The following NRG1 variants were observed in gnomAD, a reference collection of about 807,000 sequenced individuals.
The protein encoded by NRG1 is pro-neuregulin-1, membrane-bound isoform.
Under a neutral mutation model 63.8 loss-of-function variants are expected in NRG1, and 18 were observed. That is an observed-to-expected ratio of 0.28 (90% CI 0.19 to 0.42). The LOEUF (loss-of-function observed/expected upper bound fraction) is 0.42. Ranked by LOEUF, NRG1 falls within the 10% of genes least tolerant of loss-of-function variation. The pLI is 1.00. For synonymous variants in NRG1, 302 were observed against 301.3 expected, an observed-to-expected ratio of 1.00 and a Z score of -0.02; for missense variants, 762 against 814.7, an observed-to-expected ratio of 0.94 and a Z score of 0.79.
chr8:32,522,800 C>A (rs529259575), intron 1 of NRG1, among the ~76,000 whole-genome samples: 6 of 148,864 alleles, frequency 4.0e-5, no homozygotes, highest in African/African-American at 1.5e-4. Context: ...AGTTGGCACC[C>A]AATTTGCCTT....
chr8:32,432,058 C>A (rs1381677911), intron 1 of NRG1, among the ~76,000 whole-genome samples: 1 of 152,094 alleles, frequency 6.6e-6, no homozygotes, highest in African/African-American at 2.4e-5. Context: ...CAGGTTAAAG[C>A]AGTGAATTCC....
At chr8:32,461,423 G>A (rs998671118) in intron 1 of NRG1, among the ~76,000 whole-genome samples, 1 of 152,132 alleles carries the variant, frequency 6.6e-6, no homozygotes, top group African/African-American at 2.4e-5. Flanking sequence ...AGATGGCTGG[G>A]CGCGGTGGCT....
intron 1 of NRG1, among the ~76,000 whole-genome samples, chr8:32,077,307 C>A (rs1350649662): frequency 6.6e-6 from 1 of 152,124 alleles, no homozygotes; most frequent in Non-Finnish European, 1.5e-5. Context: ...GCAGAGGTTG[C>A]AGTGAGCTGA....
intron 5 of NRG1, among the ~76,000 whole-genome samples, chr8:32,656,285 A>C (rs1801473984): frequency 6.6e-6 from 1 of 152,140 alleles, no homozygotes; most frequent in Non-Finnish European, 1.5e-5. Flanking sequence ...GGACAAAAAA[A>C]CTTCTAGCCC....
At chr8:32,359,384 T>C (rs62497647) in intron 1 of NRG1, among the ~76,000 whole-genome samples, 1 of 152,306 alleles carries the variant, frequency 6.6e-6, no homozygotes, top group Admixed American at 6.5e-5. Flanking sequence ...TTTTTAAGAA[T>C]TTTTATATCC....
intron 1 of NRG1, among the ~76,000 whole-genome samples, chr8:32,068,204 C>A (rs1443042940): frequency 6.6e-6 from 1 of 152,126 alleles, no homozygotes; most frequent in Non-Finnish European, 1.5e-5. Context: ...GTTTTATCTT[C>A]TGTAAAATAT....
At chr8:31,938,426 T>G (rs1268019397) in intron 1 of NRG1, among the ~76,000 whole-genome samples, 1 of 152,158 alleles carries the variant, frequency 6.6e-6, no homozygotes, top group African/African-American at 2.4e-5. Flanking sequence ...GAATCCCAGA[T>G]CTTCCCTCTG....
At position 32,742,570 on chromosome 8, in the gene NRG1, C is replaced by G. The variant is rs1281776610; in HGVS notation, c.633-105C>G. The G allele has an allele frequency of 1.1e-5, 12 of 1,054,488 alleles. No homozygotes were observed. The highest frequency in any genetic ancestry group is 1.7e-5 in the Non-Finnish European group (12 of 702,696). The allele number at this position is 1,054,488 out of a possible 1,614,324, so 65.3% of individuals were successfully genotyped here. A position where few individuals can be genotyped will look rare whatever the true frequency, so the allele number is the denominator to read the frequency against. On this transcript the variant is annotated intron_variant, in intron 6 of 11. Coordinates refer to ENST00000356819, the Ensembl canonical transcript of NRG1. This position sits in a 1 kb window ranked among gnomAD's most constrained non-coding sequence, Gnocchi z 4.2. ...GATTCAGTTCCTGAGGGTGAACTCA[C>G]CAAGTTTCAGTCAAATGACACTGAA...
intron 1 of NRG1, among the ~76,000 whole-genome samples, chr8:31,838,345 A>G (rs1037013313): frequency 1.3e-5 from 2 of 151,924 alleles, no homozygotes; most frequent in African/African-American, 4.8e-5. Flanking sequence ...ATTATTTTAG[A>G]TTTTATAGTG....
intron 1 of NRG1, among the ~76,000 whole-genome samples, chr8:32,181,392 T>C (rs1841416246): frequency 6.6e-6 from 1 of 152,222 alleles, no homozygotes; most frequent in Admixed American, 6.5e-5. Flanking sequence ...TTTTCTGTAT[T>C]GCTCTCTTCT....
intron 1 of NRG1, among the ~76,000 whole-genome samples, chr8:32,586,047 C>T (rs75183610): frequency 0.021 from 3,256 of 152,042 alleles, 49 homozygotes; most frequent in Middle Eastern, 0.059. Context: ...CTGGAGTTAT[C>T]ATAAAACTTA....
At chr8:32,444,228 C>A in intron 1 of NRG1, among the ~76,000 whole-genome samples, 1 of 152,228 alleles carries the variant, frequency 6.6e-6, no homozygotes, top group Middle Eastern at 3.4e-3. Flanking sequence ...AAGGGATCCT[C>A]CCGCCTCAGC....
In NRG1 at chr8:31,667,197, T is replaced by C. The variant is rs1806638549; in HGVS notation, c.37+27766T>C. ...ACCAGTCAAACAATTAATCAAATAC[T>C]GATTTACCAATTTTCTGGGCACAAG... On this transcript the variant is annotated intron_variant, in intron 1 of 10. Transcript: ENST00000519301. 2.0e-5 allele frequency among the ~76,000 whole-genome samples: 3 copies of C among 152,300 alleles called. No individual in the cohort carries two copies. The South Asian group carries it at 6.2e-4, about 32-fold the overall frequency.
At chr8:32,726,297 A>C (rs1444358592) in intron 5 of NRG1, among the ~76,000 whole-genome samples, 2 of 151,974 alleles carry the variant, frequency 1.3e-5, no homozygotes, top group Non-Finnish European at 2.9e-5. Context: ...TTGCCCATTA[A>C]TATTTGCTAT....
intron 1 of NRG1, among the ~76,000 whole-genome samples, chr8:32,488,613 CCAAACAAACAAA>C (rs34689410): frequency 6.7e-6 from 1 of 150,174 alleles, no homozygotes; most frequent in Non-Finnish European, 1.5e-5. Flanking sequence ...CCATCTCTAC[CCAAACAAACAAA>C]CAAACAAACA....
chr8:31,796,866 A>T (rs1028169297), intron 1 of NRG1, among the ~76,000 whole-genome samples: 3 of 152,080 alleles, frequency 2.0e-5, no homozygotes, highest in African/African-American at 7.2e-5. Context: ...TCTGAAGGAG[A>T]ATTCTTTCTT....
chr8:32,543,275 A>G (rs1332986364), upstream of NRG1, among the ~76,000 whole-genome samples: 4 of 152,300 alleles, frequency 2.6e-5, no homozygotes, highest in South Asian at 4.1e-4. Context: ...AAATAAACAG[A>G]TGTATACACA....
intron 1 of NRG1, among the ~76,000 whole-genome samples, chr8:31,789,075 G>A (rs1479861590): frequency 6.6e-6 from 1 of 152,108 alleles, no homozygotes; most frequent in African/African-American, 2.4e-5. Flanking sequence ...AGAAATTTTG[G>A]TTCTAATACT....
intron 1 of NRG1, among the ~76,000 whole-genome samples, chr8:31,951,008 A>G (rs1438535510): frequency 6.6e-6 from 1 of 152,236 alleles, no homozygotes; most frequent in Non-Finnish European, 1.5e-5. Flanking sequence ...GGTGCATTAC[A>G]TTCGGTGACA....
Sources: gnomAD v4.1 joint callset for allele counts (sites outside exome capture counted in the v4.1 genomes callset) on GRCh38, gnomAD v4.1.1 for gene constraint, Gnocchi (gnomAD v3.1) non-coding constraint, MANE v1.5 for transcripts, NCBI Gene and HGNC (gene_info 2026-07-23, HGNC 2026-07-21) for gene names.